Variants in TAFA2 observed in about 807,000 individuals in gnomAD.
TAFA2 encodes the protein chemokine-like protein TAFA-2.
TAFA2 carries 7 observed loss-of-function variants against 18.8 expected under a neutral mutation model. That is an observed-to-expected ratio of 0.37 (90% CI 0.21 to 0.70). The LOEUF (loss-of-function observed/expected upper bound fraction) is 0.70, where lower values mean the gene tolerates loss of function less well. Among genes scored for constraint, TAFA2 ranks in the 30% least tolerant of loss-of-function variants. TAFA2 has a pLI of 0.53. For missense variants in TAFA2, 122 were observed against 158.1 expected (o/e 0.77, Z 1.23); for synonymous variants, 60 against 54.2 (o/e 1.11, Z -0.47).
chr12:61,956,412 A>G (rs1565695511), intron 1 of TAFA2, among the ~76,000 whole-genome samples: 1 of 152,092 alleles, frequency 6.6e-6, no homozygotes, highest in Admixed American at 6.6e-5. Flanking sequence ...GAGAAAATGA[A>G]TAATATTGAT....
intron 2 of TAFA2, among the ~76,000 whole-genome samples, chr12:61,781,648 C>T (rs1350725312): frequency 2.0e-5 from 3 of 151,408 alleles, no homozygotes; most frequent in African/African-American, 7.3e-5. Flanking sequence ...ACTAACAATC[C>T]CTCATGAAAA....
At chr12:61,740,777 A>T (rs1237846827) in intron 4 of TAFA2, among the ~76,000 whole-genome samples, 2 of 151,974 alleles carry the variant, frequency 1.3e-5, no homozygotes, top group Non-Finnish European at 2.9e-5. Flanking sequence ...GGTAAGCAGA[A>T]CCTCAACAAA....
At chr12:62,221,660 T>C (rs1029965417) in intron 1 of TAFA2, among the ~76,000 whole-genome samples, 1 of 152,190 alleles carries the variant, frequency 6.6e-6, no homozygotes, top group Non-Finnish European at 1.5e-5. Flanking sequence ...TAACCTCTCA[T>C]TGATTCATGA....
chr12:61,854,384 A>C (rs911619824), intron 2 of TAFA2, among the ~76,000 whole-genome samples: 2 of 152,144 alleles, frequency 1.3e-5, no homozygotes, highest in African/African-American at 4.8e-5. Flanking sequence ...TTAGGAGATC[A>C]AACAGCCTAA....
At chr12:62,245,731 T>C (rs1236600318) in intron 1 of TAFA2, among the ~76,000 whole-genome samples, 1 of 140,700 alleles carries the variant, frequency 7.1e-6, no homozygotes, top group Non-Finnish European at 1.5e-5. Flanking sequence ...ATAATACATA[T>C]AGATACATAT....
chr12:62,027,794 A>G (rs1379713056), intron 1 of TAFA2, among the ~76,000 whole-genome samples: 2 of 152,182 alleles, frequency 1.3e-5, no homozygotes, highest in Non-Finnish European at 2.9e-5. Context: ...TTTCATAGGT[A>G]GAAAATAGTA....
chr12:61,736,037 G>A (rs926099740), intron 4 of TAFA2, among the ~76,000 whole-genome samples: 1 of 151,906 alleles, frequency 6.6e-6, no homozygotes, highest in Admixed American at 6.6e-5. Context: ...TCCTCCTGGG[G>A]TGTAGCACTT....
intron 1 of TAFA2, among the ~76,000 whole-genome samples, chr12:62,068,128 A>G (rs1882539375): frequency 6.6e-6 from 1 of 152,112 alleles, no homozygotes; most frequent in Admixed American, 6.6e-5. Context: ...TTTTAAAAAA[A>G]GCTTATTTAC....
intron 1 of TAFA2, among the ~76,000 whole-genome samples, chr12:61,877,427 T>A (rs1447955578): frequency 2.0e-5 from 3 of 152,150 alleles, no homozygotes; most frequent in Non-Finnish European, 4.4e-5. Context: ...AGTGGTTAAA[T>A]GTGCAATCGT....
intron 1 of TAFA2, among the ~76,000 whole-genome samples, chr12:62,134,486 A>G (rs1870816840): frequency 6.6e-6 from 1 of 151,982 alleles, no homozygotes; most frequent in Non-Finnish European, 1.5e-5. Context: ...TGAATCCACC[A>G]GCACTTTGAA....
At chr12:62,166,885 C>T (rs1325456887) in intron 1 of TAFA2, among the ~76,000 whole-genome samples, 1 of 152,146 alleles carries the variant, frequency 6.6e-6, no homozygotes, top group Non-Finnish European at 1.5e-5. Flanking sequence ...TGAAATAAAA[C>T]CTTTGATCTC....
intron 1 of TAFA2, among the ~76,000 whole-genome samples, chr12:61,929,148 A>G (rs1877439354): frequency 6.6e-6 from 1 of 151,286 alleles, no homozygotes; most frequent in Admixed American, 6.6e-5. Flanking sequence ...CCCCAAACTT[A>G]AAGTATAATT....
intron 1 of TAFA2, among the ~76,000 whole-genome samples, chr12:62,066,299 C>G (rs1345636058): frequency 6.6e-6 from 1 of 151,894 alleles, no homozygotes; most frequent in African/African-American, 2.4e-5. Flanking sequence ...CAATTATACT[C>G]TTTTAGTTAT....
chr12:61,917,133 A>G (rs1282962530), intron 1 of TAFA2, among the ~76,000 whole-genome samples: 1 of 152,196 alleles, frequency 6.6e-6, no homozygotes, highest in Admixed American at 6.5e-5. Context: ...AAGAGGGATA[A>G]CTGTCAGGAG....
At chr12:61,828,304 A>G (rs1394368478) in intron 2 of TAFA2, among the ~76,000 whole-genome samples, 2 of 151,914 alleles carry the variant, frequency 1.3e-5, no homozygotes, top group Non-Finnish European at 2.9e-5. Flanking sequence ...GATGACCAAA[A>G]CGACCATTTT....
chr12:62,077,025 AT>A (rs1868254046), intron 1 of TAFA2, among the ~76,000 whole-genome samples: 1 of 152,230 alleles, frequency 6.6e-6, no homozygotes, highest in African/African-American at 2.4e-5. Context: ...ACTTTCTGAT[AT>A]GTTCAATATA....
chr12:61,822,611 G>A (rs950766984), intron 2 of TAFA2, among the ~76,000 whole-genome samples: 5 of 152,096 alleles, frequency 3.3e-5, no homozygotes, highest in Non-Finnish European at 5.9e-5. Flanking sequence ...CATCTCTTCA[G>A]ACACAGGAAT....
chr12:61,994,374 C>T (rs1158997374), intron 1 of TAFA2, among the ~76,000 whole-genome samples: 1 of 152,144 alleles, frequency 6.6e-6, no homozygotes, highest in Non-Finnish European at 1.5e-5. Context: ...TGGATACCTC[C>T]TTCCTCCTGT....
chr12:62,198,689 T>C (rs1336480477), intron 1 of TAFA2, among the ~76,000 whole-genome samples: 1 of 152,186 alleles, frequency 6.6e-6, no homozygotes, highest in Non-Finnish European at 1.5e-5. Context: ...TTAAAAACAT[T>C]TACAGAATAT....
Sources: gnomAD v4.1 joint callset for allele counts (sites outside exome capture counted in the v4.1 genomes callset) on GRCh38, gnomAD v4.1.1 for gene constraint, MANE v1.5 for transcripts, NCBI Gene and HGNC (gene_info 2026-07-23, HGNC 2026-07-21) for gene names.